LRP1B: variants seen among roughly 807,000 people sequenced by gnomAD.
LRP1B encodes LDL receptor related protein 1B, also known as low-density lipoprotein receptor-related protein 1B.
In LRP1B, 217 loss-of-function variants were observed where a neutral mutation model predicts 556.6. The observed-to-expected ratio is 0.39, with a 90% CI of 0.35 to 0.44. LRP1B has a LOEUF of 0.44. LRP1B is among the 20% of genes least tolerant of loss of function. The pLI is 1.00. For missense variants in LRP1B, 5,053 were observed against 5,620.8 expected, an observed-to-expected ratio of 0.90 and a Z score of 3.23; for synonymous variants, 2,047 against 1,865.8, an observed-to-expected ratio of 1.10 and a Z score of -2.50.
intron 4 of LRP1B, among the ~76,000 whole-genome samples, chr2:141,248,859 T>G (rs916336011): frequency 1.1e-4 from 17 of 152,164 alleles, no homozygotes; most frequent in African/African-American, 3.9e-4. Context: ...AGAAATTGTC[T>G]TTTGAAGTTA....
At chr2:140,239,295 G>C (rs923797354) in intron 88 of LRP1B, 147 bp downstream of exon 88, 3 of 496,638 alleles carry the variant, frequency 6.0e-6, no homozygotes, top group Non-Finnish European at 1.1e-5. Context: ...TCACTTAAAA[G>C]AGAGGTATAA....
chr2:140,498,797 T>C (rs1217315577), intron 55 of LRP1B, among the ~76,000 whole-genome samples: 1 of 151,912 alleles, frequency 6.6e-6, no homozygotes, highest in Non-Finnish European at 1.5e-5. Context: ...TATATACATG[T>C]GTATGTATAT....
At chr2:142,067,089 C>T (rs958580663) in intron 1 of LRP1B, among the ~76,000 whole-genome samples, 4 of 151,506 alleles carry the variant, frequency 2.6e-5, no homozygotes, top group Non-Finnish European at 5.9e-5. Flanking sequence ...CACATCTCAT[C>T]ATTCCAAACT....
intron 1 of LRP1B, among the ~76,000 whole-genome samples, chr2:141,921,641 A>G (rs1700187879): frequency 2.0e-5 from 3 of 152,020 alleles, no homozygotes; most frequent in Admixed American, 6.6e-5. Context: ...AATCACCACT[A>G]TGTCTTAGAA....
rs1279713239 is a variant in LRP1B, at chr2:140,440,739, A to ATGTGTGTGTGTGTGTGTGTGTGTGTG, written c.10414+1764_10414+1765insCACACACACACACACACACACACACA. ...CCACCCTCCATCCTTGTCCCTCTGT[A>ATGTGTGTGTGTGTGTGTGTGTGTGTG]TGTATGTGTGTGTGTGTGTGTACAC... On this transcript the variant is annotated intron_variant, in intron 66 of 90. Transcript: ENST00000389484. 3.5e-4 allele frequency among the ~76,000 whole-genome samples: 30 copies of ATGTGTGTGTGTGTGTGTGTGTGTGTG among 86,392 alleles called. 1 individual carries two copies. Among genetic ancestry groups the ATGTGTGTGTGTGTGTGTGTGTGTGTG allele is most frequent in the African/African-American group, 1.3e-3 (29 of 21,794 alleles). The allele number at this position is 86,392 out of a possible 152,430, so 56.7% of individuals were successfully genotyped here.
intron 2 of LRP1B, among the ~76,000 whole-genome samples, chr2:141,658,377 T>G (rs981488054): frequency 1.3e-4 from 20 of 152,244 alleles, no homozygotes; most frequent in African/African-American, 4.8e-4. Context: ...TTTCAGGGCT[T>G]GCTAATTCCA....
intron 41 of LRP1B, among the ~76,000 whole-genome samples, chr2:140,636,988 A>G (rs1406636963): frequency 2.6e-5 from 4 of 152,202 alleles, no homozygotes; most frequent in African/African-American, 9.6e-5. Flanking sequence ...GTGGGAAAAT[A>G]AGAAATAAAC....
At chr2:140,678,060 G>A (rs1272701720) in intron 41 of LRP1B, among the ~76,000 whole-genome samples, 1 of 152,070 alleles carries the variant, frequency 6.6e-6, no homozygotes, top group African/African-American at 2.4e-5. Flanking sequence ...GTAAAAAGCA[G>A]AGCCACAATT....
Position 141,451,692 on chromosome 2 carries a change from A to G in LRP1B, c.343+28704T>C, listed in dbSNP as rs894768624. Among the ~76,000 whole-genome samples the G allele has an allele frequency of 3.3e-5, 5 of 152,204 alleles. No homozygotes were observed. In the East Asian group the frequency reaches 7.7e-4, roughly 23 times the overall value. ...ACAAAACATTTCTTTGAGAATTTCA[A>G]TCCTTTTCTACTCTCTTATTGTATC... On this transcript the variant is annotated intron_variant, in intron 3 of 90. Transcript: ENST00000389484.
chr2:141,375,762 A>G (rs149894577), intron 3 of LRP1B, among the ~76,000 whole-genome samples: 3 of 152,296 alleles, frequency 2.0e-5, no homozygotes, highest in Admixed American at 1.3e-4. Flanking sequence ...AGCATAGGCA[A>G]GAAGCCGTGG....
intron 67 of LRP1B, among the ~76,000 whole-genome samples, chr2:140,381,213 A>C (rs35155048): frequency 0.13 from 19,958 of 152,070 alleles, 1,385 homozygotes; most frequent in African/African-American, 0.17. Flanking sequence ...GCTTATCTTA[A>C]CTTTGATCTT....
intron 1 of LRP1B, among the ~76,000 whole-genome samples, chr2:142,002,722 C>A (rs545605242): frequency 6.6e-6 from 1 of 152,172 alleles, no homozygotes; most frequent in Non-Finnish European, 1.5e-5. Context: ...CTGAAGAGTT[C>A]TGCTTTGCTA....
At chr2:141,259,855 T>C (rs1684620761) in intron 3 of LRP1B, among the ~76,000 whole-genome samples, 2 of 152,250 alleles carry the variant, frequency 1.3e-5, no homozygotes, top group South Asian at 4.1e-4. Flanking sequence ...ACAAAGTTCT[T>C]AAAATATTGC....
At chr2:141,423,221 C>T (rs1680206679) in intron 3 of LRP1B, among the ~76,000 whole-genome samples, 1 of 148,708 alleles carries the variant, frequency 6.7e-6, no homozygotes. Context: ...GGCTGATGTA[C>T]ATGACTATAC....
At chr2:142,051,362 A>C (rs1006212054) in intron 1 of LRP1B, among the ~76,000 whole-genome samples, 9 of 152,122 alleles carry the variant, frequency 5.9e-5, no homozygotes, top group Non-Finnish European at 1.3e-4. Context: ...ACACAATCAA[A>C]GGTATATCCA....
chr2:141,164,950 G>A (rs1680187675), intron 7 of LRP1B, among the ~76,000 whole-genome samples: 1 of 151,886 alleles, frequency 6.6e-6, no homozygotes, highest in African/African-American at 2.4e-5. Flanking sequence ...TAATGGCCAG[G>A]TTTTTAATCA....
At chr2:141,741,756 G>T (rs1215119368) in intron 2 of LRP1B, among the ~76,000 whole-genome samples, 1 of 152,056 alleles carries the variant, frequency 6.6e-6, no homozygotes, top group East Asian at 1.9e-4. Context: ...TCTTCACTTT[G>T]TTAATTATTT....
At chr2:140,547,560 A>C (rs555140491) in intron 43 of LRP1B, among the ~76,000 whole-genome samples, 84 of 152,014 alleles carry the variant, frequency 5.5e-4, no homozygotes, top group Admixed American at 2.0e-3. Flanking sequence ...TTATTAATTT[A>C]GCCAGTGGTC....
rs1478177259 is a variant in LRP1B at position 140,593,456 on chromosome 2, A to G, written c.7194+5175T>C. ...GAACAGAGATGATGATAGATACAAA[A>G]CAGAAAAAATTAAAAAGAAACATTA... On this transcript the variant is annotated intron_variant, in intron 43 of 90. Transcript: ENST00000389484. Among the ~76,000 whole-genome samples the G allele has an allele frequency of 3.9e-5, 6 of 152,210 alleles. No individual in the cohort carries two copies. In the South Asian group the frequency reaches 6.2e-4, roughly 16 times the overall value.
Sources: gnomAD v4.1 joint callset for allele counts (sites outside exome capture counted in the v4.1 genomes callset) on GRCh38, gnomAD v4.1.1 for gene constraint, MANE v1.5 for transcripts, NCBI Gene and HGNC (gene_info 2026-07-23, HGNC 2026-07-21) for gene names.